The following HMCN1 variants were observed in gnomAD, a reference collection of about 807,000 sequenced individuals.
HMCN1 encodes the protein hemicentin-1.
Under a neutral mutation model 625.9 loss-of-function variants are expected in HMCN1, and 321 were observed. That is an observed-to-expected ratio of 0.51 (90% CI 0.47 to 0.56). The LOEUF is 0.56. HMCN1 is among the 20% of genes least tolerant of loss of function. HMCN1 has a pLI of 0.00. For missense variants in HMCN1, 6,588 were observed against 6,887.3 expected, an observed-to-expected ratio of 0.96 and a Z score of 1.54; for synonymous variants, 2,425 against 2,417.6, an observed-to-expected ratio of 1.00 and a Z score of -0.09.
At chr1:185,892,183 T>C (rs1313577042) in intron 4 of HMCN1, among the ~76,000 whole-genome samples, 2 of 149,024 alleles carry the variant, frequency 1.3e-5, no homozygotes, top group South Asian at 2.1e-4. Flanking sequence ...AGCACCTCTC[T>C]GTATTGGTTA....
At chr1:185,871,415 C>T (rs542417241) in intron 4 of HMCN1, among the ~76,000 whole-genome samples, 17 of 152,108 alleles carry the variant, frequency 1.1e-4, no homozygotes, top group South Asian at 4.1e-4. Flanking sequence ...TTCTGTGTGT[C>T]AGTTTCCTTA....
At chr1:186,026,151 T>C (rs1396436117) in intron 36 of HMCN1, among the ~76,000 whole-genome samples, 1 of 152,218 alleles carries the variant, frequency 6.6e-6, no homozygotes, top group Non-Finnish European at 1.5e-5. Flanking sequence ...TCCTCTTCAA[T>C]ACTTGCATTT....
intron 1 of HMCN1, among the ~76,000 whole-genome samples, chr1:185,810,563 G>A (rs746268279): frequency 3.3e-5 from 5 of 152,060 alleles, no homozygotes; most frequent in Non-Finnish European, 7.4e-5. Flanking sequence ...ACTGCTGCAT[G>A]TAGTAAAATG....
intron 13 of HMCN1, among the ~76,000 whole-genome samples, chr1:185,964,531 A>G (rs1356195284): frequency 6.6e-6 from 1 of 152,138 alleles, no homozygotes; most frequent in Non-Finnish European, 1.5e-5. Context: ...CAAGGATTCA[A>G]AAGAGATAAT....
At position 186,172,253 on chromosome 1, in the gene HMCN1, A is replaced by G. The variant is rs563276939; in HGVS notation, c.15814+122A>G. ...CTAACAAGGAAATCTTTCTTTTTCC[A>G]TAAGTACTCCCAACTTCTAGGATAA... is the stretch of plus-strand genomic sequence containing the variant. On this transcript the variant is annotated intron_variant, in intron 102 of 106. Transcript: ENST00000271588. The G allele has an allele frequency of 2.1e-4, 277 of 1,347,032 alleles. 2 individuals are homozygous for G. The African/African-American group carries it at 3.4e-3, about 17-fold the overall frequency. The allele number at this position is 1,347,032 out of a possible 1,614,324, so 83.4% of individuals were successfully genotyped here.
chr1:185,894,174 A>G (rs997323250), intron 4 of HMCN1, among the ~76,000 whole-genome samples: 2 of 150,182 alleles, frequency 1.3e-5, no homozygotes, highest in African/African-American at 5.1e-5. Flanking sequence ...CAAAACAAAA[A>G]AACAGAAAAA....
At chr1:185,994,499 A>G (rs1652650329) in intron 23 of HMCN1, among the ~76,000 whole-genome samples, 1 of 152,168 alleles carries the variant, frequency 6.6e-6, no homozygotes, top group South Asian at 2.1e-4. Flanking sequence ...TTACAAATTA[A>G]AAGAAGCCTA....
At chr1:185,887,111 C>T (rs1664706497) in intron 4 of HMCN1, among the ~76,000 whole-genome samples, 1 of 151,874 alleles carries the variant, frequency 6.6e-6, no homozygotes, top group East Asian at 1.9e-4. Flanking sequence ...ATCTTTTGTC[C>T]CTCTTAGTAT....
chr1:186,043,029 G>T (rs1656312471), intron 40 of HMCN1, among the ~76,000 whole-genome samples: 3 of 152,078 alleles, frequency 2.0e-5, no homozygotes, highest in African/African-American at 7.2e-5. Flanking sequence ...TGAAACAAGA[G>T]AATTGAGTTT....
intron 86 of HMCN1, among the ~76,000 whole-genome samples, chr1:186,132,613 G>A (rs770904709): frequency 2.6e-5 from 4 of 151,262 alleles, no homozygotes; most frequent in Non-Finnish European, 4.4e-5. Context: ...TTTATCTAAC[G>A]TATATAGTAT....
intron 48 of HMCN1, among the ~76,000 whole-genome samples, chr1:186,063,067 C>CGTATATATATATATATAT (rs1491268573): frequency 3.3e-5 from 2 of 59,854 alleles, no homozygotes; most frequent in African/African-American, 1.9e-4. Context: ...TGTGTGTGTG[C>CGTATATATATATATATAT]ATATATATAT....
In HMCN1 at chr1:186,023,031, TAC is replaced by T; in HGVS notation, c.5629_5630del (p.Gln1877ValfsTer40). On this transcript the variant is annotated frameshift_variant and splice_region_variant, in exon 36 of 107. Transcript: ENST00000271588. LOFTEE classifies it high-confidence loss of function. ...TCTGTGCTTTCTGCTCCCAATTAGA[TAC>T]AGTCTTCTGGTCGAGTTCTACAAAT... The T allele has an allele frequency of 6.2e-7, 1 of 1,613,330 alleles. No homozygotes were observed. Among genetic ancestry groups the T allele is most frequent in the Non-Finnish European group, 8.5e-7 (1 of 1,179,420 alleles).
chr1:186,029,423 C>T (rs974851775), intron 36 of HMCN1, among the ~76,000 whole-genome samples: 1 of 152,086 alleles, frequency 6.6e-6, no homozygotes, highest in African/African-American at 2.4e-5. Flanking sequence ...AAGATTCATC[C>T]TTTTGGAGTG....
intron 5 of HMCN1, among the ~76,000 whole-genome samples, chr1:185,911,339 T>C (rs991428333): frequency 6.6e-6 from 1 of 152,166 alleles, no homozygotes; most frequent in Non-Finnish European, 1.5e-5. Context: ...GATGATCAAG[T>C]CAGCATAACA....
intron 1 of HMCN1, among the ~76,000 whole-genome samples, chr1:185,760,554 CT>C (rs1655427685): frequency 6.6e-6 from 1 of 152,032 alleles, no homozygotes; most frequent in Non-Finnish European, 1.5e-5. Context: ...TATTGAGTGC[CT>C]ACTCTATGCC....
intron 97 of HMCN1, among the ~76,000 whole-genome samples, chr1:186,157,081 G>C (rs889031578): frequency 2.0e-5 from 3 of 152,106 alleles, no homozygotes; most frequent in Non-Finnish European, 2.9e-5. Context: ...ATTTTTAATA[G>C]GATTTTCAAA....
intron 1 of HMCN1, among the ~76,000 whole-genome samples, chr1:185,767,127 G>A (rs1655928460): frequency 6.6e-6 from 1 of 151,888 alleles, no homozygotes; most frequent in African/African-American, 2.4e-5. Context: ...TGTACTTTAT[G>A]CAGTTAATTT....
intron 20 of HMCN1, 56 bp from the exon 21 acceptor site, chr1:185,989,431 TA>T: frequency 6.3e-7 from 1 of 1,594,494 alleles, no homozygotes; most frequent in Non-Finnish European, 8.6e-7. Context: ...CACTCTTTTA[TA>T]ATCTTGAAAC....
chr1:186,189,461 T>C, intron 106 of HMCN1, 51 bp from the exon 107 acceptor site: 1 of 1,603,570 alleles, frequency 6.2e-7, no homozygotes. Context: ...ATATCATGCC[T>C]CCTCCTACTT....
Sources: allele counts gnomAD v4.1 joint callset (sites outside exome capture counted in the v4.1 genomes callset), GRCh38; gene constraint gnomAD v4.1.1; transcripts MANE v1.5; gene names NCBI Gene and HGNC (gene_info 2026-07-23, HGNC 2026-07-21).